The following TUBB3 variants were observed in gnomAD, a reference collection of about 807,000 sequenced individuals.
TUBB3 encodes the protein tubulin beta-3 chain.
Under a neutral mutation model 37.8 loss-of-function variants are expected in TUBB3, and 17 were observed. The observed-to-expected ratio is 0.45, with a 90% CI of 0.31 to 0.67. TUBB3 has a LOEUF of 0.67. Among genes scored for constraint, TUBB3 ranks in the 30% least tolerant of loss-of-function variants. The probability of loss-of-function intolerance (pLI) is 0.07; values close to 1 mark genes in which losing one functional copy is unlikely to be tolerated. For missense variants in TUBB3, 262 were observed against 657.9 expected, an observed-to-expected ratio of 0.40 and a Z score of 6.58; for synonymous variants, 332 against 278.9, an observed-to-expected ratio of 1.19 and a Z score of -1.90.
chr16:89,931,057 G>A (rs949873558), intron 1 of TUBB3, among the ~76,000 whole-genome samples: 9 of 151,946 alleles, frequency 5.9e-5, no homozygotes, highest in Non-Finnish European at 2.9e-5. Flanking sequence ...TCGATCTCCT[G>A]ACTTCGTGAT....
At chr16:89,927,784 G>A (rs1567761910) in intron 1 of TUBB3, among the ~76,000 whole-genome samples, 1 of 152,202 alleles carries the variant, frequency 6.6e-6, no homozygotes. Context: ...GCTCGTGCTG[G>A]GTCTTGAATC....
intron 1 of TUBB3, among the ~76,000 whole-genome samples, chr16:89,924,657 C>T (rs1444415190): frequency 2.0e-5 from 3 of 152,052 alleles, no homozygotes; most frequent in Non-Finnish European, 4.4e-5. Context: ...GGGCCAGCCA[C>T]GTGGCTGACA....
At chr16:89,928,792 A>G (rs557631975) in intron 1 of TUBB3, among the ~76,000 whole-genome samples, 19 of 151,730 alleles carry the variant, frequency 1.3e-4, no homozygotes, top group East Asian at 9.7e-4. Context: ...CCAAAGTGCT[A>G]GGACCACAGA....
chr16:89,928,391 C>G (rs188739161), intron 1 of TUBB3, among the ~76,000 whole-genome samples: 74 of 152,048 alleles, frequency 4.9e-4, no homozygotes, highest in African/African-American at 1.7e-3. Flanking sequence ...TGGAGTCTCA[C>G]TCTGTCACTC....
intron 1 of TUBB3, among the ~76,000 whole-genome samples, chr16:89,932,370 G>A (rs1292230369): frequency 3.3e-5 from 5 of 152,338 alleles, no homozygotes; most frequent in South Asian, 2.1e-4. Context: ...CGGCCTGGAC[G>A]TGTAGGTGTG....
Position 89,923,452 on chromosome 16 carries a change from G to C in TUBB3, c.51G>C (p.Gly17=). ...IQAGQCGNQI[G]AKFWEVISDE... Reference sequence around the variant, plus strand: ...CCGGCCAGTGCGGCAACCAGATCGGGGCCAAGGTGAGGCTGCGCGCCCCGG... The same window carrying C: ...CCGGCCAGTGCGGCAACCAGATCGGCGCCAAGGTGAGGCTGCGCGCCCCGG... Residue 17 remains glycine (G), a synonymous_variant, in exon 1 of 4, where the codon GGG becomes GGC. Coordinates refer to ENST00000315491, the MANE Select transcript of TUBB3 (RefSeq NM_006086.4). 1.3e-6 allele frequency: 2 copies of C among 1,504,908 alleles called. No individual in the cohort carries two copies. The highest frequency in any genetic ancestry group is 8.9e-7 in the Non-Finnish European group (1 of 1,126,164). 93.2% of individuals were successfully genotyped at this position (1,504,908 alleles called of 1,614,324 possible).
chr16:89,925,498 A>C (rs2030042945), intron 1 of TUBB3, among the ~76,000 whole-genome samples: 1 of 151,690 alleles, frequency 6.6e-6, no homozygotes, highest in Non-Finnish European at 1.5e-5. Flanking sequence ...TGGGAGGCTG[A>C]GATGGGAGCA....
intron 2 of TUBB3, chr16:89,933,241 A>C (rs2030335221): frequency 2.9e-6 from 2 of 695,182 alleles, no homozygotes; most frequent in Non-Finnish European, 5.3e-6. Context: ...GTCTGACTGA[A>C]TCCTGCCTGT....
At chr16:89,923,142 G>C (rs536874302), upstream of TUBB3, 1 of 174,350 alleles carries the variant, frequency 5.7e-6, no homozygotes, top group African/African-American at 2.4e-5. Flanking sequence ...CCCTCAGACC[G>C]CGCCCGGCCC....
intron 1 of TUBB3, among the ~76,000 whole-genome samples, chr16:89,928,524 ATTT>A (rs34609827): frequency 9.8e-4 from 133 of 136,032 alleles, no homozygotes; most frequent in East Asian, 1.9e-3. Context: ...ACACTGGCTA[ATTT>A]TTTTTTTTTT....
chr16:89,923,257 C>T, upstream of TUBB3: 1 of 481,146 alleles, frequency 2.1e-6, no homozygotes, highest in Non-Finnish European at 3.1e-6. Flanking sequence ...GCGGCGGCGC[C>T]TCCCGATTGG....
At chr16:89,932,476 A>C in intron 1 of TUBB3, 95 bp from the exon 2 acceptor site, 2 of 1,032,428 alleles carry the variant, frequency 1.9e-6, no homozygotes, top group Non-Finnish European at 3.0e-6. Context: ...CAAAAGCCCT[A>C]ATTTTGTAGT....
intron 1 of TUBB3, among the ~76,000 whole-genome samples, chr16:89,928,555 C>CT (rs1273893121): frequency 1.3e-5 from 2 of 148,594 alleles, no homozygotes; most frequent in African/African-American, 5.0e-5. Context: ...GGCGGAGTCT[C>CT]TATCTGTTGC....
intron 1 of TUBB3, among the ~76,000 whole-genome samples, chr16:89,925,169 T>A (rs1333160935): frequency 6.6e-6 from 1 of 152,214 alleles, no homozygotes; most frequent in African/African-American, 2.4e-5. Context: ...GAGGGAGCCC[T>A]TGTCCCCTGG....
chr16:89,927,576 A>AT (rs905461840), intron 1 of TUBB3, among the ~76,000 whole-genome samples: 3 of 152,088 alleles, frequency 2.0e-5, no homozygotes, highest in East Asian at 1.9e-4. Flanking sequence ...CTTCTGGTCC[A>AT]TTTTTTTTAA....
At position 89,932,551 on chromosome 16, in the gene TUBB3, C is replaced by G. The variant is rs747564957; in HGVS notation, c.58-20C>G. ...GGCTATGGGCCGGTGCCGACCCCCC[C>G]TCTCCCACTTTGTTTGCAGTTCTGG... On this transcript the variant is annotated intron_variant, in intron 1 of 3. Coordinates refer to ENST00000315491, the MANE Select transcript of TUBB3 (RefSeq NM_006086.4). 1.7e-5 allele frequency: 27 copies of G among 1,608,892 alleles called. No homozygotes were observed. In the East Asian group the frequency reaches 2.5e-4, roughly 15 times the overall value.
At chr16:89,930,093 ATTCCTTCCTTCC>A (rs150813482) in intron 1 of TUBB3, among the ~76,000 whole-genome samples, 41 of 122,006 alleles carry the variant, frequency 3.4e-4, no homozygotes, top group Admixed American at 7.3e-4. Flanking sequence ...TTCTTCCTTC[ATTCCTTCCTTCC>A]TTCCTTCCTT....
At chr16:89,923,053 G>A (rs1271994441), upstream of TUBB3, among the ~76,000 whole-genome samples, 2 of 152,198 alleles carry the variant, frequency 1.3e-5, no homozygotes, top group Admixed American at 6.5e-5. Context: ...GGCCAAGAGG[G>A]GCCATTGTCC....
intron 1 of TUBB3, among the ~76,000 whole-genome samples, chr16:89,926,293 C>T (rs1350454160): frequency 1.3e-5 from 2 of 152,228 alleles, no homozygotes; most frequent in Non-Finnish European, 2.9e-5. Context: ...CCGTCTCAGC[C>T]AATGGGAGGC....
Sources: gnomAD v4.1 joint callset for allele counts (sites outside exome capture counted in the v4.1 genomes callset) on GRCh38, gnomAD v4.1.1 for gene constraint, MANE v1.5 for transcripts, NCBI Gene and HGNC (gene_info 2026-07-23, HGNC 2026-07-21) for gene names.